Variants in ZNF540 observed in about 807,000 individuals in gnomAD.
The protein encoded by ZNF540 is zinc finger protein 540, also known as CTD-3064H18.6.
Under a neutral mutation model 11.8 loss-of-function variants are expected in ZNF540, and 3 were observed. The ratio of observed to expected loss-of-function variants is 0.25; its 90% CI spans 0.12 to 0.65. ZNF540 has a LOEUF of 0.65. Ranked by LOEUF, ZNF540 falls within the 30% of genes least tolerant of loss-of-function variation. ZNF540 has a pLI of 0.83. For missense variants in ZNF540, 709 were observed against 793.1 expected (o/e 0.89, Z 1.27); for synonymous variants, 247 against 259.0 (o/e 0.95, Z 0.45).
At chr19:37,572,436 C>T (rs1160951782) in intron 1 of ZNF540, among the ~76,000 whole-genome samples, 2 of 152,154 alleles carry the variant, frequency 1.3e-5, no homozygotes, top group East Asian at 3.9e-4. Context: ...ATGAATCATC[C>T]CTCTGACCAG....
At position 37,579,223 on chromosome 19, in the gene ZNF540, G is replaced by A. The variant is rs141909730; in HGVS notation, c.-72-19153G>A. On this transcript the variant is annotated intron_variant, in intron 1 of 4. Transcript: ENST00000592533. ...ACATCATAGCCAGCACCTGAACTCT[G>A]GGCTAGCCCGACTGCAGTCCAGCCC... 2.2e-4 allele frequency among the ~76,000 whole-genome samples: 34 copies of A among 152,304 alleles called. No homozygotes were observed. The East Asian group carries it at 6.0e-3, about 27-fold the overall frequency.
chr19:37,571,776 A>G (rs2043061841), intron 1 of ZNF540, among the ~76,000 whole-genome samples: 1 of 152,200 alleles, frequency 6.6e-6, no homozygotes, highest in Non-Finnish European at 1.5e-5. Flanking sequence ...TTTAACAGAA[A>G]CATGATAAGT....
chr19:37,583,508 G>C (rs2043549990), intron 1 of ZNF540: 1 of 153,512 alleles, frequency 6.5e-6, no homozygotes, highest in African/African-American at 2.4e-5. Context: ...CCTTTGAAGA[G>C]AGCTTCAGGC....
chr19:37,556,671 A>C (rs1375775743), intron 1 of ZNF540, among the ~76,000 whole-genome samples: 1 of 152,208 alleles, frequency 6.6e-6, no homozygotes. Context: ...GGGAGACTGT[A>C]GGTACTGTAA....
At chr19:37,551,835 G>GT (rs66891327) in intron 1 of ZNF540, among the ~76,000 whole-genome samples, 2,834 of 114,558 alleles carry the variant, frequency 0.025, 37 homozygotes, top group African/African-American at 0.032. Context: ...TGTGTGTGTG[G>GT]GGGGGGTGGT....
At chr19:37,591,392 AAAG>A (rs2043863431), upstream of ZNF540, among the ~76,000 whole-genome samples, 1 of 152,252 alleles carries the variant, frequency 6.6e-6, no homozygotes, top group African/African-American at 2.4e-5. Context: ...TTGATATAAA[AAAG>A]AATAATGATC....
In ZNF540 at chr19:37,600,991, A is replaced by T; in HGVS notation, c.137-19A>T. 6.5e-7 allele frequency: 1 copy of T among 1,544,652 alleles called. No homozygotes were observed. On this transcript the variant is annotated intron_variant, in intron 3 of 4. Coordinates refer to ENST00000316433, the MANE Select transcript of ZNF540 (RefSeq NM_001172225.3). ...ATGTTTTATTTCTATATATTCTTTT[A>T]TTTCTTTCTTGTAAGCAGGATATTC...
Position 37,613,694 on chromosome 19 carries a change from T to C in ZNF540, c.*431T>C, listed in dbSNP as rs534086953. On this transcript the variant is annotated 3_prime_UTR_variant, in exon 5 of 5. Transcript: ENST00000316433. ...TATCATCAACATTATTATTAGTGGA[T>C]TTCTTAATAGGAAGATGCAATGGAG... 2.0e-5 allele frequency: 8 copies of C among 397,850 alleles called. No individual in the cohort carries two copies. The highest frequency in any genetic ancestry group is 1.6e-4 in the African/African-American group (8 of 48,728). 24.6% of individuals were successfully genotyped at this position (397,850 alleles called of 1,614,324 possible).
At chr19:37,580,193 G>A (rs950719382) in intron 1 of ZNF540, among the ~76,000 whole-genome samples, 3 of 152,164 alleles carry the variant, frequency 2.0e-5, no homozygotes, top group Admixed American at 6.5e-5. Context: ...TATATTATCA[G>A]GTTTAGGCTT....
chr19:37,597,151 T>C (rs1358124861), intron 1 of ZNF540, among the ~76,000 whole-genome samples: 1 of 151,418 alleles, frequency 6.6e-6, no homozygotes, highest in Non-Finnish European at 1.5e-5. Context: ...AAGGTATGCA[T>C]CACATAAAAG....
upstream of ZNF540, among the ~76,000 whole-genome samples, chr19:37,589,859 CA>C (rs2043812860): frequency 3.4e-5 from 1 of 29,350 alleles, no homozygotes; most frequent in Admixed American, 5.1e-4. Context: ...AGCAAGACTC[CA>C]TCTCAAAAAA....
intron 1 of ZNF540, among the ~76,000 whole-genome samples, chr19:37,577,274 AAAGT>A (rs1432112993): frequency 2.0e-5 from 3 of 152,156 alleles, no homozygotes; most frequent in African/African-American, 7.2e-5. Context: ...AAATCATAAC[AAAGT>A]AAGCATACTA....
chr19:37,553,091 C>T (rs1218614045), intron 1 of ZNF540, among the ~76,000 whole-genome samples: 1 of 37,638 alleles, frequency 2.7e-5, no homozygotes. Context: ...ATATTTTAAT[C>T]TTTTTTTATA....
At chr19:37,561,585 C>G (rs889726997) in intron 1 of ZNF540, among the ~76,000 whole-genome samples, 1 of 152,130 alleles carries the variant, frequency 6.6e-6, no homozygotes, top group Non-Finnish European at 1.5e-5. Context: ...TTGGTTTGTT[C>G]AGAGTGGAAT....
At chr19:37,608,181 C>G (rs1351287364) in intron 4 of ZNF540, among the ~76,000 whole-genome samples, 2 of 152,134 alleles carry the variant, frequency 1.3e-5, no homozygotes, top group Non-Finnish European at 2.9e-5. Context: ...TGTATTTACA[C>G]CTTTTATGCT....
intron 1 of ZNF540, among the ~76,000 whole-genome samples, chr19:37,568,787 C>T (rs1568344829): frequency 6.6e-6 from 1 of 152,112 alleles, no homozygotes; most frequent in East Asian, 1.9e-4. Flanking sequence ...GGGAAAACTG[C>T]AAAAGGGGTG....
upstream of ZNF540, among the ~76,000 whole-genome samples, chr19:37,592,929 G>C (rs2043909033): frequency 6.6e-6 from 1 of 152,186 alleles, no homozygotes; most frequent in Non-Finnish European, 1.5e-5. Flanking sequence ...CATGCATTAA[G>C]TAAGTTTAAC....
chr19:37,580,668 C>T (rs1241837508), intron 1 of ZNF540, among the ~76,000 whole-genome samples: 2 of 152,098 alleles, frequency 1.3e-5, no homozygotes, highest in Non-Finnish European at 2.9e-5. Context: ...ACTGAGCTCT[C>T]GCTCTACTAG....
chr19:37,559,675 GTA>G (rs928966749), intron 1 of ZNF540, among the ~76,000 whole-genome samples: 13 of 152,156 alleles, frequency 8.5e-5, no homozygotes, highest in African/African-American at 2.7e-4. Context: ...GGGGGAAAAG[GTA>G]TATAGCATGC....
Sources: allele counts gnomAD v4.1 joint callset (sites outside exome capture counted in the v4.1 genomes callset), GRCh38; gene constraint gnomAD v4.1.1; transcripts MANE v1.5; gene names NCBI Gene and HGNC (gene_info 2026-07-23, HGNC 2026-07-21).